DTNBP1: variants seen among roughly 807,000 people sequenced by gnomAD.
DTNBP1 encodes the protein dysbindin.
Under a neutral mutation model 42.8 loss-of-function variants are expected in DTNBP1, and 35 were observed. That is an observed-to-expected ratio of 0.82 (90% CI 0.63 to 1.09). DTNBP1 has a LOEUF of 1.09. Ranked by LOEUF, DTNBP1 falls within the 50% of genes least tolerant of loss-of-function variation. DTNBP1 has a pLI of 0.00. For missense variants in DTNBP1, 457 were observed against 424.2 expected (o/e 1.08, Z -0.68); for synonymous variants, 171 against 162.2 (o/e 1.05, Z -0.41).
At chr6:15,539,606 C>G (rs1773445019) in intron 7 of DTNBP1, among the ~76,000 whole-genome samples, 1 of 152,234 alleles carries the variant, frequency 6.6e-6, no homozygotes, top group Non-Finnish European at 1.5e-5. Flanking sequence ...TAAGGCAGTT[C>G]TCAACCAACA....
chr6:15,549,254 A>AG (rs1581303081), intron 7 of DTNBP1, among the ~76,000 whole-genome samples: 2 of 152,294 alleles, frequency 1.3e-5, no homozygotes, highest in East Asian at 3.9e-4. Context: ...TGGGAGGCCG[A>AG]GGCAGGCAGA....
chr6:15,600,080 T>C (rs774648813), intron 6 of DTNBP1, among the ~76,000 whole-genome samples: 12 of 151,956 alleles, frequency 7.9e-5, no homozygotes, highest in East Asian at 3.9e-4. Flanking sequence ...CACATACAAA[T>C]ATATTCCTGA....
chr6:15,528,423 T>G (rs1283111360), intron 8 of DTNBP1, among the ~76,000 whole-genome samples: 1 of 152,112 alleles, frequency 6.6e-6, no homozygotes, highest in South Asian at 2.1e-4. Context: ...CTCCAGACAT[T>G]GCCAAATGTC....
chr6:15,636,352 T>C (rs888513603), intron 4 of DTNBP1, among the ~76,000 whole-genome samples: 1 of 152,104 alleles, frequency 6.6e-6, no homozygotes, highest in Non-Finnish European at 1.5e-5. Flanking sequence ...GGTTTCACCA[T>C]GTTGGCCAGG....
chr6:15,528,107 G>C (rs538664609), intron 8 of DTNBP1, among the ~76,000 whole-genome samples: 1 of 152,162 alleles, frequency 6.6e-6, no homozygotes, highest in Non-Finnish European at 1.5e-5. Flanking sequence ...CTGTAGACAA[G>C]GTTCGTCAAC....
intron 5 of DTNBP1, among the ~76,000 whole-genome samples, chr6:15,619,187 A>G (rs931397347): frequency 4.6e-5 from 7 of 152,200 alleles, no homozygotes; most frequent in African/African-American, 1.4e-4. Flanking sequence ...AATTTACTGT[A>G]CATGTTCAAA....
At chr6:15,565,903 A>C (rs1282996104) in intron 7 of DTNBP1, among the ~76,000 whole-genome samples, 1 of 152,230 alleles carries the variant, frequency 6.6e-6, no homozygotes, top group African/African-American at 2.4e-5. Context: ...GTTAGCACTT[A>C]TTGTGAAGTG....
intron 7 of DTNBP1, among the ~76,000 whole-genome samples, chr6:15,543,654 TC>T (rs1344214218): frequency 6.6e-6 from 1 of 152,176 alleles, no homozygotes; most frequent in Non-Finnish European, 1.5e-5. Context: ...TGTTCTTTGT[TC>T]TCCATTTTAA....
At chr6:15,656,615 G>C (rs1761296535) in intron 1 of DTNBP1, among the ~76,000 whole-genome samples, 1 of 152,184 alleles carries the variant, frequency 6.6e-6, no homozygotes, top group Non-Finnish European at 1.5e-5. Context: ...AGGCGTGGTG[G>C]TGTATGCCTG....
intron 4 of DTNBP1, among the ~76,000 whole-genome samples, chr6:15,633,959 T>TA (rs1243863674): frequency 1.3e-5 from 2 of 152,224 alleles, no homozygotes; most frequent in African/African-American, 4.8e-5. Flanking sequence ...ACATAACTTT[T>TA]ATATGCACTA....
chr6:15,563,530 T>C, intron 7 of DTNBP1, among the ~76,000 whole-genome samples: 1 of 152,246 alleles, frequency 6.6e-6, no homozygotes, highest in East Asian at 1.9e-4. Flanking sequence ...GTATACCCAT[T>C]GTTCCTATAG....
intron 3 of DTNBP1, among the ~76,000 whole-genome samples, chr6:15,646,378 G>T (rs1049151253): frequency 1.3e-5 from 2 of 150,642 alleles, no homozygotes; most frequent in Admixed American, 1.3e-4. Flanking sequence ...TAGATGACAC[G>T]AATGGAAAAA....
chr6:15,606,296 G>A (rs926806982), intron 6 of DTNBP1, among the ~76,000 whole-genome samples: 1 of 152,182 alleles, frequency 6.6e-6, no homozygotes, highest in Non-Finnish European at 1.5e-5. Context: ...GGGAACGTCC[G>A]TCAAATGAAT....
chr6:15,627,128 C>T (rs142066752), intron 5 of DTNBP1, among the ~76,000 whole-genome samples: 3 of 152,156 alleles, frequency 2.0e-5, no homozygotes, highest in East Asian at 1.9e-4. Context: ...ATTATGTGTC[C>T]GGAGCTGACC....
intron 7 of DTNBP1, chr6:15,585,577 C>A (rs1776047182): frequency 2.1e-6 from 2 of 959,142 alleles, no homozygotes; most frequent in African/African-American, 1.7e-5. Flanking sequence ...CTTGTAGGTT[C>A]AAGTCAAGTT....
chr6:15,575,857 T>C (rs1224739022), intron 7 of DTNBP1, among the ~76,000 whole-genome samples: 1 of 151,980 alleles, frequency 6.6e-6, no homozygotes, highest in Non-Finnish European at 1.5e-5. Flanking sequence ...CCCTGTGAGG[T>C]GAAGAGCATA....
intron 7 of DTNBP1, among the ~76,000 whole-genome samples, chr6:15,569,923 T>C (rs1775269710): frequency 6.6e-6 from 1 of 152,096 alleles, no homozygotes; most frequent in African/African-American, 2.4e-5. Context: ...GTAAACTCCC[T>C]CTTCTCACTA....
chr6:15,644,707 G>T (rs1423024673), intron 3 of DTNBP1, among the ~76,000 whole-genome samples: 1 of 151,704 alleles, frequency 6.6e-6, no homozygotes, highest in Non-Finnish European at 1.5e-5. Flanking sequence ...AATTAAGGCA[G>T]AGATAAAAAA....
At chr6:15,656,811 T>C (rs1761310361) in intron 1 of DTNBP1, among the ~76,000 whole-genome samples, 2 of 152,310 alleles carry the variant, frequency 1.3e-5, no homozygotes, top group Admixed American at 1.3e-4. Flanking sequence ...CTACAATGAC[T>C]GCTGAGATCT....
Sources: gnomAD v4.1 joint callset for allele counts (sites outside exome capture counted in the v4.1 genomes callset) on GRCh38, gnomAD v4.1.1 for gene constraint, MANE v1.5 for transcripts, NCBI Gene and HGNC (gene_info 2026-07-23, HGNC 2026-07-21) for gene names.